UST: variants seen among roughly 807,000 people sequenced by gnomAD.
The protein encoded by UST is uronyl 2-sulfotransferase, also known as chondroitin sulfate 2-O-sulfotransferase.
UST carries 21 observed loss-of-function variants against 45.6 expected under a neutral mutation model. The observed-to-expected ratio is 0.46, with a 90% CI of 0.33 to 0.66. UST has a LOEUF of 0.66. Among genes scored for constraint, UST ranks in the 30% least tolerant of loss-of-function variants. The probability of loss-of-function intolerance (pLI) is 0.02; values close to 1 mark genes in which losing one functional copy is unlikely to be tolerated. For missense variants in UST, 463 were observed against 512.4 expected, an observed-to-expected ratio of 0.90 and a Z score of 0.93; for synonymous variants, 215 against 200.6, an observed-to-expected ratio of 1.07 and a Z score of -0.61.
chr6:148,990,473 C>A (rs764857107), intron 5 of UST: 37 of 813,474 alleles, frequency 4.5e-5, no homozygotes, highest in Non-Finnish European at 5.5e-5. Flanking sequence ...ACCTCTTTAA[C>A]GTGACACCAG....
chr6:148,750,130 C>T (rs567061035), intron 1 of UST, among the ~76,000 whole-genome samples: 1 of 152,216 alleles, frequency 6.6e-6, no homozygotes, highest in East Asian at 1.9e-4. Flanking sequence ...AAGTATTTTT[C>T]GTAAATGTAA....
intron 1 of UST, among the ~76,000 whole-genome samples, chr6:148,784,633 T>C (rs1212508966): frequency 1.3e-5 from 2 of 152,242 alleles, no homozygotes; most frequent in African/African-American, 4.8e-5. Flanking sequence ...ATTGGCTGTT[T>C]ATCTTGTGTA....
chr6:149,048,322 C>A (rs1776423450), intron 7 of UST, among the ~76,000 whole-genome samples: 1 of 152,026 alleles, frequency 6.6e-6, no homozygotes. Context: ...GCAAGTGGAT[C>A]ACTTGAGGTC....
intron 7 of UST, among the ~76,000 whole-genome samples, chr6:149,032,966 A>G (rs1363092653): frequency 6.6e-6 from 1 of 152,218 alleles, no homozygotes; most frequent in Non-Finnish European, 1.5e-5. Context: ...TATGCTCTGC[A>G]TTGAGTATTT....
intron 1 of UST, among the ~76,000 whole-genome samples, chr6:148,753,340 T>G (rs902726678): frequency 3.3e-5 from 5 of 152,218 alleles, no homozygotes; most frequent in Non-Finnish European, 5.9e-5. Flanking sequence ...TCTGTCTGTA[T>G]AGATTTGCCT....
intron 1 of UST, among the ~76,000 whole-genome samples, chr6:148,878,085 C>T (rs116158761): frequency 0.011 from 625 of 58,466 alleles, 11 homozygotes; most frequent in African/African-American, 0.042. Context: ...TGTATGAGTG[C>T]GGGGGATTGT....
chr6:148,864,709 A>G (rs1438292682), intron 1 of UST, among the ~76,000 whole-genome samples: 1 of 152,244 alleles, frequency 6.6e-6, no homozygotes. Context: ...GTGTTGAGGC[A>G]ATAATTAATA....
At chr6:148,844,631 A>G (rs184934008) in intron 1 of UST, among the ~76,000 whole-genome samples, 21 of 152,014 alleles carry the variant, frequency 1.4e-4, no homozygotes, top group African/African-American at 4.8e-4. Flanking sequence ...TTCTTATTTT[A>G]TTTTATTGTT....
intron 5 of UST, among the ~76,000 whole-genome samples, chr6:148,993,825 A>G (rs780199788): frequency 7.2e-5 from 11 of 152,124 alleles, no homozygotes; most frequent in Non-Finnish European, 1.3e-4. Flanking sequence ...TTCTGCCATG[A>G]TTGGAAGCTT....
chr6:148,830,683 C>A (rs560212176), intron 1 of UST, among the ~76,000 whole-genome samples: 7 of 152,168 alleles, frequency 4.6e-5, no homozygotes, highest in African/African-American at 2.4e-5. Context: ...CAAGAAATTA[C>A]GCTAAGTGAA....
At chr6:149,017,001 T>C (rs1246616166) in intron 5 of UST, among the ~76,000 whole-genome samples, 3 of 152,212 alleles carry the variant, frequency 2.0e-5, no homozygotes, top group Non-Finnish European at 2.9e-5. Context: ...CAGAGCATCC[T>C]CAAGGCAAAG....
intron 1 of UST, among the ~76,000 whole-genome samples, chr6:148,805,684 C>T (rs760889955): frequency 9.9e-5 from 15 of 152,120 alleles, no homozygotes; most frequent in African/African-American, 2.4e-4. Context: ...ATTCAGAATA[C>T]GGGCTTTAAA....
intron 5 of UST, among the ~76,000 whole-genome samples, chr6:148,966,029 G>C (rs1195140504): frequency 6.6e-6 from 1 of 151,702 alleles, no homozygotes; most frequent in African/African-American, 2.4e-5. Flanking sequence ...ATCGAGACCA[G>C]CCTGGCCAAC....
chr6:149,011,587 G>A (rs1775811499), intron 5 of UST, among the ~76,000 whole-genome samples: 2 of 152,146 alleles, frequency 1.3e-5, no homozygotes, highest in Admixed American at 6.5e-5. Context: ...AAGGAGGGTG[G>A]ATCCCCTGAG....
chr6:148,749,873 T>C (rs909606208), intron 1 of UST, among the ~76,000 whole-genome samples: 13 of 152,188 alleles, frequency 8.5e-5, no homozygotes, highest in African/African-American at 3.1e-4. Flanking sequence ...AATGACATCA[T>C]TGTGAACTGA....
chr6:149,036,012 T>TTG (rs989376282), intron 7 of UST, among the ~76,000 whole-genome samples: 7 of 152,164 alleles, frequency 4.6e-5, no homozygotes, highest in African/African-American at 1.7e-4. Context: ...ATGCAACTGG[T>TTG]TGCTGGTGTG....
At chr6:149,001,663 A>C (rs1010337661) in intron 5 of UST, among the ~76,000 whole-genome samples, 2 of 152,202 alleles carry the variant, frequency 1.3e-5, no homozygotes, top group Non-Finnish European at 2.9e-5. Flanking sequence ...TCAGACACAG[A>C]GAGTTTCCTA....
chr6:148,747,615 C>T lies in UST; in HGVS notation c.185C>T (p.Ser62Phe). ...MATLLVFCLGSLLYQLSGGPP... is the reference protein window; with the variant it reads ...MATLLVFCLGFLLYQLSGGPP... The stretch of plus-strand genomic sequence containing the variant: ...ACCCTGCTGGTCTTCTGCCTGGGCT[C>T]CCTCCTCTATCAGCTCAGCGGGGGA... The change falls in exon 1 of 8, where the codon TCC becomes TTC. Residue 62 changes from serine (S) to phenylalanine (F), a missense_variant. This residue lies in a region of UST where 176 missense variants were observed against 138.3 expected (regional missense o/e 1.27). Coordinates refer to ENST00000367463, the MANE Select transcript of UST (RefSeq NM_005715.3). The T allele has an allele frequency of 1.2e-6, 2 of 1,603,444 alleles. No individual in the cohort carries two copies. Among genetic ancestry groups the T allele is most frequent in the Non-Finnish European group, 8.5e-7 (1 of 1,176,262 alleles).
chr6:149,005,888 A>G (rs1775675929), intron 5 of UST, among the ~76,000 whole-genome samples: 1 of 152,176 alleles, frequency 6.6e-6, no homozygotes, highest in Admixed American at 6.5e-5. Flanking sequence ...GTTCACACTA[A>G]CACAATCACA....
Sources: gnomAD v4.1 joint callset for allele counts (sites outside exome capture counted in the v4.1 genomes callset) on GRCh38, gnomAD v4.1.1 for gene constraint, gnomAD v4.1.1 regional missense constraint, MANE v1.5 for transcripts, NCBI Gene and HGNC (gene_info 2026-07-23, HGNC 2026-07-21) for gene names.